Variants in PIK3C3 observed in about 807,000 individuals in gnomAD.
PIK3C3 encodes the protein phosphatidylinositol 3-kinase catalytic subunit type 3.
A neutral mutation model predicts 126.1 loss-of-function variants in PIK3C3; 95 were observed. The observed-to-expected ratio is 0.75, with a 90% CI of 0.64 to 0.89. The LOEUF (loss-of-function observed/expected upper bound fraction) is 0.89, where lower values mean the gene tolerates loss of function less well. PIK3C3 is among the 40% of genes least tolerant of loss of function. PIK3C3 has a pLI of 0.00. For missense variants in PIK3C3, 829 were observed against 1,063.2 expected (o/e 0.78, Z 3.06); for synonymous variants, 374 against 360.0 (o/e 1.04, Z -0.44).
At position 42,043,795 on chromosome 18, in the gene PIK3C3, G is replaced by C. The variant is rs1567997750; in HGVS notation, c.2166G>C (p.Met722Ile). Reference protein sequence around the residue: ...NGPNGISAEVMDTYVKSCAGY... With the variant: ...NGPNGISAEVIDTYVKSCAGY... ...CAAATGGGATTAGTGCTGAGGTCATGGACACTTACGTTAAAAGCTGTGGTA... is the reference window on the plus strand; with the variant it reads ...CAAATGGGATTAGTGCTGAGGTCATCGACACTTACGTTAAAAGCTGTGGTA... Residue 722 changes from methionine to isoleucine, a missense_variant, in exon 20 of 25, where the codon ATG becomes ATC. Physicochemically the swap from Met to Ile is conservative, Grantham distance 10. Around this residue, in one of 4 missense-constraint regions of PIK3C3, gnomAD observed 196 missense variants for 312.8 expected, o/e 0.63. Transcript: ENST00000262039. 6.2e-7 allele frequency: 1 copy of C among 1,612,456 alleles called. No homozygotes were observed. Among genetic ancestry groups the C allele is most frequent in the East Asian group, 2.2e-5 (1 of 44,816 alleles).
rs750456392 is a variant in PIK3C3 at position 42,033,948 on chromosome 18, A to T, written c.1830A>T (p.Thr610=). ...GAGGAATAATTCCGGAAACAGCTAC[A>T]CTGTTTAAAGTAATTGTGATGGATA... is the stretch of plus-strand genomic sequence containing the variant. The part of the protein sequence containing the change: ...KIRGIIPETA[T]LFKSALMPAQ... Residue 610 remains threonine (T), a synonymous_variant, in exon 16 of 25, where the codon ACA becomes ACT. Transcript: ENST00000262039. The T allele has an allele frequency of 6.2e-7, 1 of 1,600,714 alleles. No homozygotes were observed. Among genetic ancestry groups the T allele is most frequent in the African/African-American group, 1.3e-5 (1 of 74,302 alleles).
chr18:42,080,907 C>A (rs1037653986), intron 24 of PIK3C3, among the ~76,000 whole-genome samples: 1 of 152,160 alleles, frequency 6.6e-6, no homozygotes, highest in Non-Finnish European at 1.5e-5. Flanking sequence ...CAGACACCCT[C>A]TCCTTGAATT....
intron 22 of PIK3C3, 22 bp downstream of exon 22, chr18:42,058,073 A>G: frequency 6.5e-7 from 1 of 1,539,732 alleles, no homozygotes; most frequent in Non-Finnish European, 8.7e-7. Context: ...TGCTTGGCAC[A>G]GAGAATTTGG....
intron 22 of PIK3C3, among the ~76,000 whole-genome samples, chr18:42,061,321 G>A (rs887585728): frequency 3.3e-5 from 5 of 152,188 alleles, no homozygotes; most frequent in African/African-American, 9.6e-5. Context: ...GGTGGCTCAT[G>A]CCTGTAATCC....
chr18:42,064,600 C>G (rs1450431709), intron 22 of PIK3C3, 140 bp from the exon 23 acceptor site: 3 of 577,294 alleles, frequency 5.2e-6, no homozygotes, highest in East Asian at 2.8e-5. Flanking sequence ...TTCATTGATA[C>G]CAACTGATGA....
chr18:42,076,143 TGC>T (rs372275041), intron 24 of PIK3C3, among the ~76,000 whole-genome samples: 21,387 of 66,266 alleles, frequency 0.32, 3,212 homozygotes, highest in South Asian at 0.45. Flanking sequence ...TATATATATA[TGC>T]GCATATATAT....
At chr18:42,042,063 T>C (rs947136006) in intron 19 of PIK3C3, among the ~76,000 whole-genome samples, 1 of 152,192 alleles carries the variant, frequency 6.6e-6, no homozygotes, top group East Asian at 1.9e-4. Flanking sequence ...AGATTGTTTG[T>C]TCAAATAATA....
Position 42,043,765 on chromosome 18 carries a change from T to C in PIK3C3, c.2136T>C (p.Asn712=). 1 of 1,613,258 alleles carries C rather than the reference T, an allele frequency of 6.2e-7. No individual in the cohort carries two copies. Among genetic ancestry groups the C allele is most frequent in the Non-Finnish European group, 8.5e-7 (1 of 1,179,322 alleles). The change falls in exon 20 of 25, where the codon AAT becomes AAC. Residue 712 remains asparagine (N), a synonymous_variant. Transcript: ENST00000262039. ...TTAGAAAATATGCACCAAGTGAGAA[T>C]GGGCCAAATGGGATTAGTGCTGAGG... ...NFFRKYAPSE[N]GPNGISAEVM... is the part of the protein sequence containing the mutation.
intron 13 of PIK3C3, chr18:42,025,181 T>C (rs1364778236): frequency 6.6e-6 from 1 of 152,186 alleles, no homozygotes; most frequent in African/African-American, 2.4e-5. Flanking sequence ...AAGAGCAAGA[T>C]ACAGCAGTGA....
chr18:41,990,376 G>C (rs1233075905), intron 5 of PIK3C3, 83 bp from the exon 6 acceptor site: 2 of 784,930 alleles, frequency 2.5e-6, no homozygotes, highest in Non-Finnish European at 4.4e-6. Context: ...ATGTATTACT[G>C]AATTAGGAAA....
intron 24 of PIK3C3, among the ~76,000 whole-genome samples, chr18:42,080,556 C>CA (rs1475777964): frequency 6.6e-6 from 1 of 152,148 alleles, no homozygotes; most frequent in Non-Finnish European, 1.5e-5. Context: ...TATATTCAGC[C>CA]AAACAAAGAA....
chr18:41,981,045 C>T (rs1034742912), intron 4 of PIK3C3, among the ~76,000 whole-genome samples: 12 of 152,054 alleles, frequency 7.9e-5, no homozygotes, highest in Non-Finnish European at 1.6e-4. Flanking sequence ...AATATACCTC[C>T]TAGATATAGG....
At chr18:41,996,565 A>C (rs1982034704) in intron 8 of PIK3C3, 73 bp from the exon 9 acceptor site, 1 of 649,412 alleles carries the variant, frequency 1.5e-6, no homozygotes, top group South Asian at 2.6e-5. Context: ...TAAATGAAAA[A>C]TATTAAGTGA....
At chr18:42,003,635 C>T (rs1982398414) in intron 9 of PIK3C3, among the ~76,000 whole-genome samples, 1 of 152,118 alleles carries the variant, frequency 6.6e-6, no homozygotes, top group Non-Finnish European at 1.5e-5. Flanking sequence ...GTGATATACT[C>T]CAAGACAATT....
intron 24 of PIK3C3, among the ~76,000 whole-genome samples, chr18:42,071,779 A>G (rs1985784873): frequency 6.7e-6 from 1 of 148,184 alleles, no homozygotes; most frequent in Admixed American, 6.7e-5. Context: ...CTAACTTATC[A>G]GACAGATTCA....
At chr18:42,004,035 C>T (rs1458586642) in intron 9 of PIK3C3, among the ~76,000 whole-genome samples, 5 of 152,100 alleles carry the variant, frequency 3.3e-5, no homozygotes, top group Admixed American at 3.3e-4. Context: ...GTGAGAAATG[C>T]CTCAACTATT....
At position 42,086,312 on chromosome 18, in the gene PIK3C3, C is replaced by T. The variant is rs936778832; in HGVS notation, c.*5175C>T. Reference sequence around the variant, plus strand: ...ATACCATATGCCCTGGTCTTACCCACATACAGCTCGGTACAACTGCATTTC... The same window carrying T: ...ATACCATATGCCCTGGTCTTACCCATATACAGCTCGGTACAACTGCATTTC... On this transcript the variant is annotated 3_prime_UTR_variant, in exon 25 of 25. Coordinates refer to ENST00000262039, the MANE Select transcript of PIK3C3 (RefSeq NM_002647.4). 2 of 152,264 alleles carry T rather than the reference C, an allele frequency of 1.3e-5. No individual in the cohort carries two copies. The highest frequency in any genetic ancestry group is 1.3e-4 in the Admixed American group (2 of 15,278). The allele number at this position is 152,264 out of a possible 1,614,324, so 9.4% of individuals were successfully genotyped here.
chr18:42,021,204 T>G (rs1305414394), intron 13 of PIK3C3, among the ~76,000 whole-genome samples: 1 of 152,192 alleles, frequency 6.6e-6, no homozygotes, highest in African/African-American at 2.4e-5. Flanking sequence ...ATTTTCAGGG[T>G]ATTTTCAGTT....
At chr18:42,039,953 G>T (rs1598921675) in intron 18 of PIK3C3, among the ~76,000 whole-genome samples, 1 of 152,046 alleles carries the variant, frequency 6.6e-6, no homozygotes, top group African/African-American at 2.4e-5. Flanking sequence ...TTATTCTACA[G>T]GGGTATATAA....
Sources: gnomAD v4.1 joint callset for allele counts (sites outside exome capture counted in the v4.1 genomes callset) on GRCh38, gnomAD v4.1.1 for gene constraint, gnomAD v4.1.1 regional missense constraint, MANE v1.5 for transcripts, NCBI Gene and HGNC (gene_info 2026-07-23, HGNC 2026-07-21) for gene names.